The following LUZP2 variants were observed in gnomAD, a reference collection of about 807,000 sequenced individuals.
The protein encoded by LUZP2 is leucine zipper protein 2.
A neutral mutation model predicts 51.6 loss-of-function variants in LUZP2; 52 were observed. The observed-to-expected ratio is 1.01, with a 90% CI of 0.81 to 1.27. The LOEUF (loss-of-function observed/expected upper bound fraction) is 1.27. Among genes scored for constraint, LUZP2 ranks in the 50% most tolerant of loss-of-function variants. LUZP2 has a pLI of 0.00. For synonymous variants in LUZP2, 154 were observed against 137.3 expected, an observed-to-expected ratio of 1.12 and a Z score of -0.85; for missense variants, 436 against 395.4, an observed-to-expected ratio of 1.10 and a Z score of -0.87.
chr11:24,826,623 A>C (rs1054132007), intron 5 of LUZP2, among the ~76,000 whole-genome samples: 3 of 152,038 alleles, frequency 2.0e-5, no homozygotes, highest in Admixed American at 2.0e-4. Context: ...AAGCAAGGCA[A>C]ACCAATTTTC....
intron 1 of LUZP2, among the ~76,000 whole-genome samples, chr11:24,702,659 T>C: frequency 6.6e-6 from 1 of 152,166 alleles, no homozygotes; most frequent in Middle Eastern, 3.2e-3. Flanking sequence ...ATGGTGCTCC[T>C]ACAAACTAAT....
rs1852726886 is a variant in LUZP2, at chr11:24,578,310, T to C, written c.62+81005T>C. Among the ~76,000 whole-genome samples, 3 of 152,102 alleles carry C rather than the reference T, an allele frequency of 2.0e-5. No homozygotes were observed. In the East Asian group the frequency reaches 5.8e-4, roughly 29 times the overall value. ...TCTTACTGTCCAGAAATATTTCATG[T>C]GGTTCATAATATACTTTTTGTTTTC... is the stretch of plus-strand genomic sequence containing the variant. On this transcript the variant is annotated intron_variant, in intron 1 of 11. Coordinates refer to ENST00000336930, the MANE Select transcript of LUZP2 (RefSeq NM_001009909.4).
In LUZP2 at chr11:24,969,850, G is replaced by GCCGGT. The variant is rs1855694384; in HGVS notation, c.523-6739_523-6738insGGTCC. ...GGAGTTATTACTCACATTTTAGGAGGCCAGTCCATCTCATGACTTGTTCAT... is the reference window on the plus strand; with the variant it reads ...GGAGTTATTACTCACATTTTAGGAGGCCGGTCCAGTCCATCTCATGACTTGTTCAT... On this transcript the variant is annotated intron_variant, in intron 7 of 11. Coordinates refer to ENST00000336930, the MANE Select transcript of LUZP2 (RefSeq NM_001009909.4). Among the ~76,000 whole-genome samples, 9 of 152,198 alleles carry GCCGGT rather than the reference G, an allele frequency of 5.9e-5. No individual in the cohort carries two copies. In the South Asian group the frequency reaches 1.9e-3, roughly 32 times the overall value.
At chr11:24,568,722 T>G (rs1852330110) in intron 1 of LUZP2, among the ~76,000 whole-genome samples, 1 of 152,056 alleles carries the variant, frequency 6.6e-6, no homozygotes, top group African/African-American at 2.4e-5. Flanking sequence ...AAATGTTTCT[T>G]AAATTATTAA....
rs554412513 is a variant in LUZP2, at chr11:24,907,311, A to C, written c.459+1258A>C. Among the ~76,000 whole-genome samples the C allele has an allele frequency of 1.4e-4, 22 of 151,874 alleles. No homozygotes were observed. The South Asian group carries it at 3.5e-3, about 24-fold the overall frequency. ...ATTAACACAAATACAAAAAAAAAAA[A>C]AAAACATTAACACAAATACAAAATA... On this transcript the variant is annotated intron_variant, in intron 6 of 11. Transcript: ENST00000336930.
chr11:25,074,579 T>C (rs1006581092), intron 10 of LUZP2, among the ~76,000 whole-genome samples: 4 of 152,136 alleles, frequency 2.6e-5, no homozygotes, highest in African/African-American at 9.7e-5. Context: ...CGTAGTGTTT[T>C]CCTCATGACA....
At chr11:25,003,998 C>T (rs1378318280) in intron 9 of LUZP2, among the ~76,000 whole-genome samples, 1 of 152,154 alleles carries the variant, frequency 6.6e-6, no homozygotes. Context: ...ACCTTGAAGA[C>T]AGTTGTCCAG....
chr11:24,736,069 G>A (rs1187232058), intron 3 of LUZP2, among the ~76,000 whole-genome samples: 1 of 151,924 alleles, frequency 6.6e-6, no homozygotes, highest in Non-Finnish European at 1.5e-5. Context: ...TCTTTGGCAG[G>A]AAAATATTCA....
intron 1 of LUZP2, among the ~76,000 whole-genome samples, chr11:24,559,445 C>T (rs1447430649): frequency 6.6e-6 from 1 of 152,170 alleles, no homozygotes; most frequent in African/African-American, 2.4e-5. Flanking sequence ...GTTTTGAAAG[C>T]ATTAACCTTG....
intron 4 of LUZP2, among the ~76,000 whole-genome samples, chr11:24,744,275 CA>C (rs2133995520): frequency 6.6e-6 from 1 of 152,196 alleles, no homozygotes; most frequent in South Asian, 2.1e-4. Context: ...GGCATAGTGC[CA>C]AAAGGATTGT....
chr11:24,908,910 C>T (rs1014495831), intron 6 of LUZP2, among the ~76,000 whole-genome samples: 7 of 151,466 alleles, frequency 4.6e-5, no homozygotes, highest in Admixed American at 2.0e-4. Context: ...ACTATTAGCC[C>T]GCCACCACAC....
intron 4 of LUZP2, among the ~76,000 whole-genome samples, chr11:24,738,663 T>G (rs1182858501): frequency 1.3e-5 from 2 of 151,990 alleles, no homozygotes; most frequent in East Asian, 3.9e-4. Context: ...GCACCCCACA[T>G]CCACTGAATA....
In LUZP2 at chr11:24,761,371, A is replaced by G. The variant is rs929155574; in HGVS notation, c.334-1875A>G. ...AACAGCAGTAGGATGGTGCTAAACC[A>G]TTAGAAACCACCCCTATGATCCAAT... On this transcript the variant is annotated intron_variant, in intron 4 of 11. Transcript: ENST00000336930. Among the ~76,000 whole-genome samples the G allele has an allele frequency of 9.2e-5, 14 of 152,214 alleles. 1 individual carries two copies. The highest frequency in any genetic ancestry group is 1.4e-4 in the African/African-American group (6 of 41,460).
intron 1 of LUZP2, among the ~76,000 whole-genome samples, chr11:24,637,331 T>C (rs1590276748): frequency 6.6e-6 from 1 of 151,830 alleles, no homozygotes; most frequent in South Asian, 2.1e-4. Context: ...AAGCTGAGGA[T>C]GTATGTCACC....
chr11:24,916,599 C>T (rs1853797909), intron 7 of LUZP2, among the ~76,000 whole-genome samples: 1 of 151,902 alleles, frequency 6.6e-6, no homozygotes, highest in Non-Finnish European at 1.5e-5. Flanking sequence ...GTTTTTTGTC[C>T]TTGAGATAGT....
At chr11:24,599,335 T>C (rs1853546702) in intron 1 of LUZP2, among the ~76,000 whole-genome samples, 1 of 152,156 alleles carries the variant, frequency 6.6e-6, no homozygotes, top group Non-Finnish European at 1.5e-5. Context: ...AATTTATAAG[T>C]GAATTCCCAC....
intron 5 of LUZP2, among the ~76,000 whole-genome samples, chr11:24,800,467 A>G (rs1221774128): frequency 2.0e-5 from 3 of 151,700 alleles, no homozygotes; most frequent in Non-Finnish European, 4.4e-5. Flanking sequence ...AATTCCCTAT[A>G]TAAGCATGTT....
At position 24,697,160 on chromosome 11, in the gene LUZP2, A is replaced by C. The variant is rs147941822; in HGVS notation, c.63-32009A>C. Among the ~76,000 whole-genome samples, 741 of 152,282 alleles carry C rather than the reference A, an allele frequency of 4.9e-3. 6 individuals carry two copies. The highest frequency in any genetic ancestry group is 8.8e-3 in the Non-Finnish European group (600 of 68,012). On this transcript the variant is annotated intron_variant, in intron 1 of 11. Transcript: ENST00000336930. ...TACTATTAACAAACTAACAAAAGGA[A>C]ACAAGTTAACAATTAACATTTCTGA...
chr11:25,075,798 T>C (rs1859282945), intron 10 of LUZP2, among the ~76,000 whole-genome samples: 5 of 152,066 alleles, frequency 3.3e-5, no homozygotes, highest in Non-Finnish European at 1.5e-5. Flanking sequence ...AGTGTGAGAA[T>C]AGAGGGAGCA....
Sources: allele counts gnomAD v4.1 joint callset (sites outside exome capture counted in the v4.1 genomes callset), GRCh38; gene constraint gnomAD v4.1.1; transcripts MANE v1.5; gene names NCBI Gene and HGNC (gene_info 2026-07-23, HGNC 2026-07-21).